Variants in SULF1 observed in about 807,000 individuals in gnomAD.
The protein encoded by SULF1 is extracellular sulfatase Sulf-1.
In SULF1, 46 loss-of-function variants were observed where a neutral mutation model predicts 110.5. The ratio of observed to expected loss-of-function variants is 0.42; its 90% CI spans 0.33 to 0.53. The LOEUF is 0.53. Ranked by LOEUF, SULF1 falls within the 20% of genes least tolerant of loss-of-function variation. The probability of loss-of-function intolerance (pLI) is 0.12; values close to 1 mark genes in which losing one functional copy is unlikely to be tolerated. For missense variants in SULF1, 941 were observed against 1,094.2 expected, an observed-to-expected ratio of 0.86 and a Z score of 1.98; for synonymous variants, 371 against 387.1, an observed-to-expected ratio of 0.96 and a Z score of 0.49.
chr8:69,574,970 G>A (rs908255692), intron 5 of SULF1, among the ~76,000 whole-genome samples: 5 of 152,154 alleles, frequency 3.3e-5, no homozygotes, highest in Admixed American at 6.5e-5. Context: ...TTTGCATTAC[G>A]ATTTCCTTCC....
intron 13 of SULF1, among the ~76,000 whole-genome samples, chr8:69,607,734 T>G (rs942844073): frequency 1.3e-5 from 2 of 152,218 alleles, no homozygotes; most frequent in South Asian, 2.1e-4. Flanking sequence ...CTTTGAAGAT[T>G]ATCTGTTTTT....
intron 3 of SULF1, among the ~76,000 whole-genome samples, chr8:69,546,073 T>C (rs1398765595): frequency 6.6e-6 from 1 of 152,190 alleles, no homozygotes; most frequent in Non-Finnish European, 1.5e-5. Context: ...TGTGGGCACA[T>C]AGAGTTGCTA....
chr8:69,552,815 TA>T (rs1164025179), intron 3 of SULF1, among the ~76,000 whole-genome samples: 1 of 152,250 alleles, frequency 6.6e-6, no homozygotes, highest in Admixed American at 6.5e-5. Flanking sequence ...GTTTGTTATG[TA>T]AAAAAATGTA....
chr8:69,559,886 TG>T (rs1490765670), intron 3 of SULF1, among the ~76,000 whole-genome samples: 3 of 152,192 alleles, frequency 2.0e-5, no homozygotes, highest in African/African-American at 7.2e-5. Context: ...GGGTTTTTTT[TG>T]TTGTTGTTTT....
intron 13 of SULF1, among the ~76,000 whole-genome samples, chr8:69,612,795 CTG>C (rs1808766479): frequency 6.6e-6 from 1 of 152,202 alleles, no homozygotes; most frequent in East Asian, 1.9e-4. Flanking sequence ...TTCTCCCACT[CTG>C]TGGGTTGTCT....
rs758615437 is a variant in SULF1, at chr8:69,600,628, A to G, written c.760A>G (p.Asn254Asp). 1.9e-6 allele frequency: 3 copies of G among 1,613,208 alleles called. No individual in the cohort carries two copies. The highest frequency in any genetic ancestry group is 2.7e-5 in the African/African-American group (2 of 75,032). ...HITPSYNYAP[N>D]MDKHWIMQYT... is the part of the protein sequence containing the mutation. Reference sequence around the variant, plus strand: ...AACTCCTAGTTATAACTATGCACCAAATATGGATAAACACTGGATTATGCA... The same window carrying G: ...AACTCCTAGTTATAACTATGCACCAGATATGGATAAACACTGGATTATGCA... Residue 254 changes from asparagine to aspartate, a missense_variant, in exon 9 of 23, where the codon AAT (asparagine) becomes GAT (aspartate). By Grantham distance (23) the Asn-to-Asp change is conservative. Transcript: ENST00000402687.
At chr8:69,542,001 T>G (rs551612597) in intron 3 of SULF1, among the ~76,000 whole-genome samples, 11 of 152,248 alleles carry the variant, frequency 7.2e-5, no homozygotes, top group African/African-American at 2.6e-4. Context: ...ATGAGGAAGG[T>G]GTGTCCTTAC....
intron 3 of SULF1, among the ~76,000 whole-genome samples, chr8:69,537,987 G>A (rs1399854810): frequency 4.1e-5 from 6 of 148,004 alleles, no homozygotes; most frequent in African/African-American, 1.5e-4. Flanking sequence ...TTTAGACGGA[G>A]TCTCGCTCTT....
intron 1 of SULF1, among the ~76,000 whole-genome samples, chr8:69,479,462 T>C (rs964199599): frequency 6.6e-6 from 1 of 152,194 alleles, no homozygotes; most frequent in Non-Finnish European, 1.5e-5. Context: ...AATGGCATTC[T>C]CATTTGTAGG....
intron 3 of SULF1, among the ~76,000 whole-genome samples, chr8:69,559,004 T>C (rs930085167): frequency 6.6e-6 from 1 of 152,208 alleles, no homozygotes; most frequent in African/African-American, 2.4e-5. Flanking sequence ...CAAATCTCTT[T>C]AATGTTTATC....
intron 3 of SULF1, among the ~76,000 whole-genome samples, chr8:69,562,094 G>A (rs973403671): frequency 6.6e-6 from 1 of 152,232 alleles, no homozygotes; most frequent in Non-Finnish European, 1.5e-5. Context: ...CTGCCTGGCT[G>A]CAGACACTAG....
chr8:69,610,646 T>TA (rs1203639130), intron 13 of SULF1, among the ~76,000 whole-genome samples: 12 of 152,226 alleles, frequency 7.9e-5, no homozygotes, highest in African/African-American at 2.9e-4. Context: ...GAACAGTTGT[T>TA]CATCTAATTA....
At chr8:69,646,919 T>C (rs1563629241) in intron 22 of SULF1, among the ~76,000 whole-genome samples, 3 of 151,456 alleles carry the variant, frequency 2.0e-5, no homozygotes, top group African/African-American at 7.3e-5. Flanking sequence ...AGAGACAAAT[T>C]GTATCAAAGA....
rs182006229 is a variant in SULF1 at position 69,626,457 on chromosome 8, G to A, written c.1851-753G>A. On this transcript the variant is annotated intron_variant, in intron 15 of 22. Transcript: ENST00000402687. ...CCGCACAGGGGCTGCAGGTGGAGCC[G>A]TCTGCCAGTCCCGCGCCATGCGCTC... Among the ~76,000 whole-genome samples, 221 of 152,380 alleles carry A rather than the reference G, an allele frequency of 1.5e-3. 1 individual carries two copies. Among genetic ancestry groups the A allele is most frequent in the African/African-American group, 5.0e-3 (208 of 41,604 alleles).
At chr8:69,640,732 C>A in intron 21 of SULF1, 76 bp from the exon 22 acceptor site, 1 of 1,260,032 alleles carries the variant, frequency 7.9e-7, no homozygotes, top group Non-Finnish European at 1.1e-6. Context: ...AGATGTTGTG[C>A]ATGAAAAACT....
intron 3 of SULF1, among the ~76,000 whole-genome samples, chr8:69,516,048 C>G (rs931918063): frequency 6.6e-6 from 1 of 152,178 alleles, no homozygotes; most frequent in Non-Finnish European, 1.5e-5. Context: ...TTCTTCTGAT[C>G]CCTCCAAAAC....
intron 13 of SULF1, among the ~76,000 whole-genome samples, chr8:69,619,996 C>T (rs902568330): frequency 6.6e-6 from 1 of 152,158 alleles, no homozygotes; most frequent in Non-Finnish European, 1.5e-5. Flanking sequence ...CAAGCTCTTG[C>T]CTAGCTCTTG....
chr8:69,586,312 T>G, intron 6 of SULF1, 45 bp from the exon 7 acceptor site: 1 of 1,516,514 alleles, frequency 6.6e-7, no homozygotes, highest in South Asian at 1.3e-5. Context: ...TTATTTATGA[T>G]TAATCATTTT....
At chr8:69,485,232 A>G (rs1315957740) in intron 1 of SULF1, among the ~76,000 whole-genome samples, 1 of 152,202 alleles carries the variant, frequency 6.6e-6, no homozygotes, top group African/African-American at 2.4e-5. Context: ...GACTAGGCAT[A>G]TTGAGAGGAC....
Sources: gnomAD v4.1 joint callset for allele counts (sites outside exome capture counted in the v4.1 genomes callset) on GRCh38, gnomAD v4.1.1 for gene constraint, MANE v1.5 for transcripts, NCBI Gene and HGNC (gene_info 2026-07-23, HGNC 2026-07-21) for gene names.